The following COX6C variants were observed in gnomAD, a reference collection of about 807,000 sequenced individuals.
The protein encoded by COX6C is cytochrome c oxidase polypeptide VIc.
Under a neutral mutation model 6.9 loss-of-function variants are expected in COX6C, and 3 were observed. The observed-to-expected ratio is 0.43, with a 90% CI of 0.20 to 1.12. The LOEUF is 1.12. Ranked by LOEUF, COX6C falls within the 50% of genes most tolerant of loss-of-function variation. The probability of loss-of-function intolerance (pLI) is 0.27; values close to 1 mark genes in which losing one functional copy is unlikely to be tolerated. For synonymous variants in COX6C, 32 were observed against 32.0 expected (o/e 1.00, Z 0.00); for missense variants, 101 against 97.3 (o/e 1.04, Z -0.16).
At chr8:99,892,806 T>C (rs1326596793) in intron 1 of COX6C, among the ~76,000 whole-genome samples, 2 of 152,188 alleles carry the variant, frequency 1.3e-5, no homozygotes, top group African/African-American at 4.8e-5. Context: ...TAGCTCCGCA[T>C]TGGTAATTAA....
chr8:99,882,376 C>A (rs1469963581), intron 3 of COX6C, among the ~76,000 whole-genome samples: 1 of 152,148 alleles, frequency 6.6e-6, no homozygotes, highest in African/African-American at 2.4e-5. Flanking sequence ...TACAAAGTAT[C>A]TTTTCTGATC....
rs1402321874 is a variant in COX6C at position 99,887,293 on chromosome 8, A to G, written c.*15+197T>C. ...GTCATTGGTGCTCCCCCACATCACA[A>G]AAGTATTGTGCCACTTATTGCTCAT... On this transcript the variant is annotated intron_variant, in intron 3 of 3. Coordinates refer to ENST00000520468, the MANE Select transcript of COX6C (RefSeq NM_004374.4). The G allele has an allele frequency of 2.0e-5, 8 of 404,018 alleles. No homozygotes were observed. The South Asian group carries it at 2.0e-4, about 10-fold the overall frequency. 25.0% of individuals were successfully genotyped at this position (404,018 alleles called of 1,614,324 possible).
intron 2 of COX6C, among the ~76,000 whole-genome samples, chr8:99,888,134 A>T (rs1350241516): frequency 6.6e-6 from 1 of 151,210 alleles, no homozygotes; most frequent in Non-Finnish European, 1.5e-5. Flanking sequence ...AAAAAAAAAT[A>T]AAAAATAAAA....
chr8:99,884,113 C>T (rs1205165221), intron 3 of COX6C, among the ~76,000 whole-genome samples: 1 of 152,204 alleles, frequency 6.6e-6, no homozygotes, highest in African/African-American at 2.4e-5. Context: ...CACTTCTATT[C>T]ATTGTAGTAC....
At chr8:99,885,478 G>A (rs1817931490) in intron 3 of COX6C, among the ~76,000 whole-genome samples, 1 of 152,076 alleles carries the variant, frequency 6.6e-6, no homozygotes, top group Non-Finnish European at 1.5e-5. Context: ...CAGACATACA[G>A]ACTAAAGAAA....
chr8:99,893,523 T>A (rs930148606), intron 1 of COX6C, 116 bp downstream of exon 1: 1 of 152,196 alleles, frequency 6.6e-6, no homozygotes, highest in African/African-American at 2.4e-5. Context: ...GGCCTGAAGC[T>A]GCACCACGGC....
rs555405844 is a variant in COX6C at position 99,887,686 on chromosome 8, T to C, written c.115-68A>G. ...GGAAATTAGATTCCAGATTATAATA[T>C]ATAAAGACAAGGTAGAACACATGTT... On this transcript the variant is annotated intron_variant, in intron 2 of 3. Transcript: ENST00000520468. 4.7e-5 allele frequency: 51 copies of C among 1,077,390 alleles called. No individual in the cohort carries two copies. In the African/African-American group the frequency reaches 7.1e-4, roughly 15 times the overall value. 66.7% of individuals were successfully genotyped at this position (1,077,390 alleles called of 1,614,324 possible). A position where few individuals can be genotyped will look rare whatever the true frequency, so the allele number is the denominator to read the frequency against.
chr8:99,891,955 T>C lies in COX6C; in HGVS notation c.67A>G (p.Met23Val), dbSNP rs762826004. 1.9e-6 allele frequency: 3 copies of C among 1,614,050 alleles called. No individual in the cohort carries two copies. The highest frequency in any genetic ancestry group is 1.7e-5 in the Admixed American group (1 of 59,990). The change falls in exon 2 of 4, where the codon ATG (methionine) becomes GTG (valine). Residue 23 changes from methionine to valine, a missense_variant. Physicochemically the swap from Met to Val is conservative, Grantham distance 21. Transcript: ENST00000520468. ...GLLARRLRNH[M>V]AVAFVLSLGV... Reference sequence around the variant, plus strand: ...AGGGATAGCACGAATGCTACAGCCATATGATTTCGCAGACGCCTGGCCAGA... The same window carrying C: ...AGGGATAGCACGAATGCTACAGCCACATGATTTCGCAGACGCCTGGCCAGA...
rs769845410 is a variant in COX6C, at chr8:99,891,951, G to A, written c.71C>T (p.Ala24Val). 1.4e-5 allele frequency: 22 copies of A among 1,613,970 alleles called. No individual in the cohort carries two copies. The highest frequency in any genetic ancestry group is 1.7e-5 in the Non-Finnish European group (20 of 1,180,024). The change falls in exon 2 of 4, where the codon GCT (alanine) becomes GTT (valine). Residue 24 changes from alanine (A) to valine (V), a missense_variant. Physicochemically the swap from Ala to Val is moderately conservative, Grantham distance 64. Transcript: ENST00000520468. ...LLARRLRNHMAVAFVLSLGVA... is the reference protein window; with the variant it reads ...LLARRLRNHMVVAFVLSLGVA... Reference sequence around the variant, plus strand: ...CCCCAGGGATAGCACGAATGCTACAGCCATATGATTTCGCAGACGCCTGGC... The same window carrying A: ...CCCCAGGGATAGCACGAATGCTACAACCATATGATTTCGCAGACGCCTGGC...
chr8:99,891,891 G>A lies in COX6C; in HGVS notation c.114+17C>T, dbSNP rs779287333. The A allele has an allele frequency of 3.7e-6, 6 of 1,607,916 alleles. No individual in the cohort carries two copies. Among genetic ancestry groups the A allele is most frequent in the South Asian group, 2.2e-5 (2 of 90,952 alleles). The stretch of plus-strand genomic sequence containing the variant: ...CATACTTTATGACCTTCGGCACAAA[G>A]TAAAAAACATACATACCTTATACAA... On this transcript the variant is annotated intron_variant, in intron 2 of 3. Coordinates refer to ENST00000520468, the MANE Select transcript of COX6C (RefSeq NM_004374.4).
At chr8:99,892,653 T>C (rs1818072911) in intron 1 of COX6C, among the ~76,000 whole-genome samples, 1 of 152,042 alleles carries the variant, frequency 6.6e-6, no homozygotes, top group South Asian at 2.1e-4. Context: ...GCCTAAGCTG[T>C]CTCTTGGCTT....
chr8:99,885,252 C>T (rs190222949), intron 3 of COX6C, among the ~76,000 whole-genome samples: 23 of 152,310 alleles, frequency 1.5e-4, no homozygotes, highest in Admixed American at 3.9e-4. Context: ...TTACTATACA[C>T]TACAATTGTT....
intron 3 of COX6C, among the ~76,000 whole-genome samples, chr8:99,882,220 C>A (rs980130636): frequency 2.6e-5 from 4 of 152,222 alleles, no homozygotes; most frequent in African/African-American, 9.6e-5. Context: ...ATGACTTGAA[C>A]AACACTACAA....
intron 1 of COX6C, among the ~76,000 whole-genome samples, chr8:99,892,291 C>T (rs915879848): frequency 6.6e-6 from 1 of 152,146 alleles, no homozygotes; most frequent in Non-Finnish European, 1.5e-5. Context: ...GCTGGGATTC[C>T]GGCCTACAAG....
chr8:99,890,904 T>C (rs1423501731), intron 2 of COX6C, among the ~76,000 whole-genome samples: 1 of 152,230 alleles, frequency 6.6e-6, no homozygotes, highest in Non-Finnish European at 1.5e-5. Flanking sequence ...CGTTCCACAC[T>C]CATGGATTCA....
At chr8:99,891,854 C>A in intron 2 of COX6C, 54 bp downstream of exon 2, 3 of 1,532,824 alleles carry the variant, frequency 2.0e-6, no homozygotes, top group Non-Finnish European at 2.7e-6. Context: ...AAAGATTTTT[C>A]AACCAAAAAC....
intron 2 of COX6C, among the ~76,000 whole-genome samples, chr8:99,890,019 G>A (rs902280484): frequency 9.2e-5 from 14 of 151,888 alleles, no homozygotes; most frequent in African/African-American, 2.4e-4. Context: ...GCGTGAACCC[G>A]GGAGGCGGAG....
At chr8:99,889,911 G>C (rs560798238) in intron 2 of COX6C, among the ~76,000 whole-genome samples, 67 of 151,412 alleles carry the variant, frequency 4.4e-4, no homozygotes, top group Non-Finnish European at 7.7e-4. Context: ...CTAACACGGT[G>C]AAACCCCGTC....
intron 2 of COX6C, among the ~76,000 whole-genome samples, chr8:99,890,549 A>C (rs749528295): frequency 6.6e-6 from 1 of 152,184 alleles, no homozygotes; most frequent in Non-Finnish European, 1.5e-5. Context: ...TTAATAACCT[A>C]TTTGTGTGTC....
Sources: gnomAD v4.1 joint callset for allele counts (sites outside exome capture counted in the v4.1 genomes callset) on GRCh38, gnomAD v4.1.1 for gene constraint, MANE v1.5 for transcripts, NCBI Gene and HGNC (gene_info 2026-07-23, HGNC 2026-07-21) for gene names.